The following CTNNA2 variants were observed in gnomAD, a reference collection of about 807,000 sequenced individuals.
CTNNA2 encodes catenin alpha-2.
Under a neutral mutation model 101.0 loss-of-function variants are expected in CTNNA2, and 42 were observed. The observed-to-expected ratio is 0.42, with a 90% CI of 0.32 to 0.54. The LOEUF (loss-of-function observed/expected upper bound fraction) is 0.54, where lower values mean the gene tolerates loss of function less well. CTNNA2 is among the 20% of genes least tolerant of loss of function. The probability of loss-of-function intolerance (pLI) is 0.14; values close to 1 mark genes in which losing one functional copy is unlikely to be tolerated. For missense variants in CTNNA2, 871 were observed against 1,223.1 expected (o/e 0.71, Z 4.29); for synonymous variants, 450 against 456.4 (o/e 0.99, Z 0.18).
intron 1 of CTNNA2, among the ~76,000 whole-genome samples, chr2:79,631,472 T>G (rs761159416): frequency 2.0e-5 from 3 of 152,220 alleles, no homozygotes; most frequent in Non-Finnish European, 4.4e-5. Flanking sequence ...TATTGTTTGC[T>G]GAATAGCCAG....
intron 4 of CTNNA2, among the ~76,000 whole-genome samples, chr2:79,428,466 C>G (rs1190559302): frequency 6.6e-6 from 1 of 152,000 alleles, no homozygotes; most frequent in African/African-American, 2.4e-5. Context: ...AAGTGCTTGA[C>G]AGGATGAAAA....
intron 7 of CTNNA2, among the ~76,000 whole-genome samples, chr2:80,232,637 A>G (rs1709322328): frequency 6.6e-6 from 1 of 152,016 alleles, no homozygotes; most frequent in African/African-American, 2.4e-5. Context: ...TGCAGAGTAA[A>G]GAAAACTTCT....
intron 7 of CTNNA2, among the ~76,000 whole-genome samples, chr2:79,917,154 T>G (rs35970516): frequency 1.3e-5 from 2 of 151,104 alleles, no homozygotes; most frequent in South Asian, 2.1e-4. Context: ...TCACTGCAAC[T>G]TCAGCCTCCC....
intron 4 of CTNNA2, among the ~76,000 whole-genome samples, chr2:79,483,638 T>G (rs1243169300): frequency 6.6e-6 from 1 of 152,214 alleles, no homozygotes; most frequent in Non-Finnish European, 1.5e-5. Flanking sequence ...CTTAGCTCCA[T>G]TAAAAGTGGG....
At chr2:80,481,189 A>G (rs909549513) in intron 9 of CTNNA2, among the ~76,000 whole-genome samples, 2 of 152,166 alleles carry the variant, frequency 1.3e-5, no homozygotes, top group African/African-American at 4.8e-5. Context: ...AGTGCAAGAG[A>G]GAAGTTTAGC....
chr2:80,396,208 T>C (rs761588046), intron 8 of CTNNA2, among the ~76,000 whole-genome samples: 3 of 152,188 alleles, frequency 2.0e-5, no homozygotes, highest in Non-Finnish European at 2.9e-5. Flanking sequence ...AACTGGGGCA[T>C]TATAAATGGT....
chr2:79,997,739 T>TAA (rs1692658952), intron 7 of CTNNA2, among the ~76,000 whole-genome samples: 2 of 152,198 alleles, frequency 1.3e-5, no homozygotes, highest in Non-Finnish European at 2.9e-5. Flanking sequence ...TCTCCTCTTC[T>TAA]GTGCTTATAA....
At chr2:80,565,272 G>T (rs1693955216) in intron 12 of CTNNA2, among the ~76,000 whole-genome samples, 1 of 152,020 alleles carries the variant, frequency 6.6e-6, no homozygotes, top group Non-Finnish European at 1.5e-5. Context: ...GTTTAACATT[G>T]GCCTTCTTGG....
intron 7 of CTNNA2, among the ~76,000 whole-genome samples, chr2:80,243,404 T>C (rs1157913433): frequency 6.6e-6 from 1 of 152,054 alleles, no homozygotes; most frequent in South Asian, 2.1e-4. Flanking sequence ...TAATATTTCC[T>C]TGGGCTATTT....
At chr2:80,165,504 G>T (rs1256097332) in intron 7 of CTNNA2, among the ~76,000 whole-genome samples, 1 of 152,054 alleles carries the variant, frequency 6.6e-6, no homozygotes, top group African/African-American at 2.4e-5. Context: ...TGTTTCAAGT[G>T]TGTTAGTAAT....
chr2:79,472,771 G>C (rs190235514), intron 4 of CTNNA2, among the ~76,000 whole-genome samples: 21 of 152,182 alleles, frequency 1.4e-4, no homozygotes, highest in African/African-American at 5.1e-4. Context: ...TTAAGTTCTA[G>C]TTCTTTTTGC....
intron 1 of CTNNA2, among the ~76,000 whole-genome samples, chr2:79,543,544 T>C (rs1053800186): frequency 6.6e-6 from 1 of 152,172 alleles, no homozygotes; most frequent in Non-Finnish European, 1.5e-5. Flanking sequence ...ACTGTTTTGA[T>C]GGTTTTCAAT....
intron 2 of CTNNA2, among the ~76,000 whole-genome samples, chr2:79,660,308 T>G (rs2104523776): frequency 6.7e-6 from 1 of 150,266 alleles, no homozygotes; most frequent in South Asian, 2.1e-4. Context: ...TACATATGTA[T>G]GTGTATATAC....
intron 7 of CTNNA2, among the ~76,000 whole-genome samples, chr2:80,278,122 A>T (rs1000386300): frequency 6.6e-6 from 1 of 152,250 alleles, no homozygotes; most frequent in Admixed American, 6.5e-5. Context: ...CTCTTCTATG[A>T]AGTAGGGATA....
chr2:79,810,403 T>G (rs1285992025), intron 3 of CTNNA2, among the ~76,000 whole-genome samples: 1 of 152,110 alleles, frequency 6.6e-6, no homozygotes, highest in Non-Finnish European at 1.5e-5. Context: ...AACCGCCCCA[T>G]GATTCATTTA....
intron 1 of CTNNA2, among the ~76,000 whole-genome samples, chr2:79,586,502 T>C (rs1485729063): frequency 6.8e-6 from 1 of 147,832 alleles, no homozygotes; most frequent in East Asian, 2.0e-4. Context: ...CTTTTAGGTG[T>C]TTAGGTTTTC....
intron 7 of CTNNA2, among the ~76,000 whole-genome samples, chr2:79,978,055 C>G (rs1690993028): frequency 6.6e-6 from 1 of 152,208 alleles, no homozygotes; most frequent in South Asian, 2.1e-4. Context: ...TTGATTCCCA[C>G]TTCCACATGA....
intron 7 of CTNNA2, among the ~76,000 whole-genome samples, chr2:79,946,446 A>G (rs921287765): frequency 6.6e-6 from 1 of 152,180 alleles, no homozygotes; most frequent in Non-Finnish European, 1.5e-5. Flanking sequence ...CTGAGTCATT[A>G]CTTTGCCCCA....
At chr2:79,610,448 C>T (rs1434043713) in intron 1 of CTNNA2, among the ~76,000 whole-genome samples, 1 of 151,898 alleles carries the variant, frequency 6.6e-6, no homozygotes, top group Non-Finnish European at 1.5e-5. Flanking sequence ...TTTATAATAG[C>T]CAATAAGTGG....
Sources: allele counts gnomAD v4.1 joint callset (sites outside exome capture counted in the v4.1 genomes callset), GRCh38; gene constraint gnomAD v4.1.1; transcripts MANE v1.5; gene names NCBI Gene and HGNC (gene_info 2026-07-23, HGNC 2026-07-21).